ALK: variants seen among roughly 807,000 people sequenced by gnomAD.
The protein encoded by ALK is ALK receptor tyrosine kinase, also known as ALK tyrosine kinase receptor.
ALK carries 74 observed loss-of-function variants against 163.1 expected under a neutral mutation model. The observed-to-expected ratio is 0.45, with a 90% CI of 0.38 to 0.55. ALK has a LOEUF of 0.55. ALK is among the 20% of genes least tolerant of loss of function. The probability of loss-of-function intolerance (pLI) is 0.00; values close to 1 mark genes in which losing one functional copy is unlikely to be tolerated. For synonymous variants in ALK, 960 were observed against 843.2 expected (o/e 1.14, Z -2.40); for missense variants, 2,063 against 2,105.3 (o/e 0.98, Z 0.39).
At chr2:29,777,641 A>T (rs1390498002) in intron 1 of ALK, among the ~76,000 whole-genome samples, 1 of 152,212 alleles carries the variant, frequency 6.6e-6, no homozygotes, top group Non-Finnish European at 1.5e-5. Context: ...TCATAAGATG[A>T]GGGACAGACT....
chr2:29,254,615 C>A (rs991922083), intron 11 of ALK, among the ~76,000 whole-genome samples: 3 of 152,172 alleles, frequency 2.0e-5, no homozygotes, highest in African/African-American at 7.2e-5. Context: ...GATTGTACAA[C>A]CTCTCTAAGC....
rs2276550 is a variant in ALK at position 29,223,318 on chromosome 2, C to G, written c.3359+24G>C. 414,929 of 1,613,020 alleles carry G rather than the reference C, an allele frequency of 0.26. 65,068 individuals are homozygous for G. The highest frequency in any genetic ancestry group is 0.74 in the East Asian group (33,321 of 44,842). The stretch of plus-strand genomic sequence containing the variant: ...GCCCCTACACTGCACCCCTCTCCTC[C>G]CAGGACGGCAGCAGGGCGCTCACCG... On this transcript the variant is annotated intron_variant, in intron 20 of 28. Coordinates refer to ENST00000389048, the MANE Select transcript of ALK (RefSeq NM_004304.5).
intron 4 of ALK, among the ~76,000 whole-genome samples, chr2:29,444,064 A>G (rs1019886777): frequency 1.3e-5 from 2 of 152,218 alleles, no homozygotes; most frequent in African/African-American, 4.8e-5. Context: ...GTTTTCTCAA[A>G]TGTTCACATA....
At chr2:29,855,969 CATG>C (rs942639289) in intron 1 of ALK, among the ~76,000 whole-genome samples, 2 of 152,160 alleles carry the variant, frequency 1.3e-5, no homozygotes, top group Non-Finnish European at 2.9e-5. Context: ...ATTTAAAATT[CATG>C]ATAATTACAT....
chr2:29,867,798 C>G (rs974909328), intron 1 of ALK, among the ~76,000 whole-genome samples: 1 of 152,154 alleles, frequency 6.6e-6, no homozygotes, highest in Admixed American at 6.5e-5. Flanking sequence ...AATGGGATCC[C>G]CTATATTTGA....
At chr2:29,869,002 A>G (rs1240948213) in intron 1 of ALK, among the ~76,000 whole-genome samples, 1 of 152,238 alleles carries the variant, frequency 6.6e-6, no homozygotes, top group Non-Finnish European at 1.5e-5. Context: ...CTGAGGTCCC[A>G]GCTGATAGCT....
At chr2:29,742,627 C>A (rs1680092793) in intron 1 of ALK, among the ~76,000 whole-genome samples, 1 of 152,220 alleles carries the variant, frequency 6.6e-6, no homozygotes, top group African/African-American at 2.4e-5. Flanking sequence ...ATCTATCCAA[C>A]AGAAACCAGC....
intron 1 of ALK, among the ~76,000 whole-genome samples, chr2:29,877,437 C>T (rs1036092602): frequency 6.6e-6 from 1 of 152,172 alleles, no homozygotes; most frequent in African/African-American, 2.4e-5. Context: ...CCCTTACCAG[C>T]ATGTATTTTT....
At chr2:29,198,825 T>C (rs1021143888) in intron 26 of ALK, among the ~76,000 whole-genome samples, 21 of 152,250 alleles carry the variant, frequency 1.4e-4, no homozygotes, top group African/African-American at 4.8e-4. Flanking sequence ...TTTTTTTTCC[T>C]ATGAATTGCC....
chr2:29,446,159 A>G (rs574551641), intron 4 of ALK, among the ~76,000 whole-genome samples: 22 of 151,012 alleles, frequency 1.5e-4, no homozygotes, highest in African/African-American at 5.1e-4. Flanking sequence ...CAAACAAAAT[A>G]AAACAAAACA....
chr2:29,477,724 G>T (rs1170983916), intron 4 of ALK, among the ~76,000 whole-genome samples: 1 of 152,166 alleles, frequency 6.6e-6, no homozygotes, highest in Non-Finnish European at 1.5e-5. Context: ...AGAGGGATGC[G>T]AGGGAACTGG....
At chr2:29,538,800 T>C (rs1673331637) in intron 3 of ALK, among the ~76,000 whole-genome samples, 1 of 152,216 alleles carries the variant, frequency 6.6e-6, no homozygotes, top group Non-Finnish European at 1.5e-5. Context: ...AATCATAGTT[T>C]TCCTTGCAGG....
intron 4 of ALK, among the ~76,000 whole-genome samples, chr2:29,471,720 A>G (rs1008352220): frequency 6.7e-6 from 1 of 150,086 alleles, no homozygotes; most frequent in Non-Finnish European, 1.5e-5. Flanking sequence ...AGTGGCAATG[A>G]TGCTAAATAA....
intron 1 of ALK, among the ~76,000 whole-genome samples, chr2:29,730,301 T>C (rs1465518265): frequency 6.6e-6 from 1 of 152,248 alleles, no homozygotes; most frequent in East Asian, 1.9e-4. Context: ...GATTCTGCTC[T>C]GGTAGGCACC....
At chr2:29,908,222 C>G (rs907058097) in intron 1 of ALK, among the ~76,000 whole-genome samples, 2 of 152,086 alleles carry the variant, frequency 1.3e-5, no homozygotes, top group Non-Finnish European at 2.9e-5. Flanking sequence ...ACCTCTAGTT[C>G]AGAATATCTG....
At chr2:29,550,619 C>T (rs1673690894) in intron 3 of ALK, among the ~76,000 whole-genome samples, 1 of 152,124 alleles carries the variant, frequency 6.6e-6, no homozygotes, top group Non-Finnish European at 1.5e-5. Context: ...GCTTTGTTAT[C>T]ATGGGTGCTT....
chr2:29,477,499 G>C (rs113764988), intron 4 of ALK, among the ~76,000 whole-genome samples: 1 of 152,258 alleles, frequency 6.6e-6, no homozygotes, highest in African/African-American at 2.4e-5. Context: ...AGCAAGTCAG[G>C]AAGTCCCCAC....
chr2:29,860,520 A>G (rs1666253036), intron 1 of ALK, among the ~76,000 whole-genome samples: 1 of 152,204 alleles, frequency 6.6e-6, no homozygotes, highest in African/African-American at 2.4e-5. Flanking sequence ...CTAAGACTTT[A>G]GACCAAATGG....
chr2:29,201,125 G>A (rs1195439092), intron 26 of ALK, among the ~76,000 whole-genome samples: 1 of 151,486 alleles, frequency 6.6e-6, no homozygotes, highest in African/African-American at 2.4e-5. Context: ...ATGGTCTCCA[G>A]GTGTGATAGA....
Sources: gnomAD v4.1 joint callset for allele counts (sites outside exome capture counted in the v4.1 genomes callset) on GRCh38, gnomAD v4.1.1 for gene constraint, MANE v1.5 for transcripts, NCBI Gene and HGNC (gene_info 2026-07-23, HGNC 2026-07-21) for gene names.